The following ARFGEF3 variants were observed in gnomAD, a reference collection of about 807,000 sequenced individuals.
ARFGEF3 encodes the protein ARFGEF family member 3.
In ARFGEF3, 96 loss-of-function variants were observed where a neutral mutation model predicts 221.7. That is an observed-to-expected ratio of 0.43 (90% CI 0.37 to 0.51). The LOEUF (loss-of-function observed/expected upper bound fraction) is 0.51. ARFGEF3 is among the 20% of genes least tolerant of loss of function. ARFGEF3 has a pLI of 0.00. For synonymous variants in ARFGEF3, 1,145 were observed against 1,126.8 expected (o/e 1.02, Z -0.32); for missense variants, 2,410 against 2,789.9 (o/e 0.86, Z 3.07).
chr6:138,228,588 A>G (rs1306320949), intron 4 of ARFGEF3, among the ~76,000 whole-genome samples: 1 of 152,086 alleles, frequency 6.6e-6, no homozygotes, highest in Admixed American at 6.6e-5. Flanking sequence ...CCTTGTGACT[A>G]AATATGGCAA....
intron 2 of ARFGEF3, among the ~76,000 whole-genome samples, chr6:138,184,300 G>T (rs1777139142): frequency 6.6e-6 from 1 of 151,996 alleles, no homozygotes; most frequent in Non-Finnish European, 1.5e-5. Context: ...AAACAATGTA[G>T]TCCTTACTGG....
intron 8 of ARFGEF3, among the ~76,000 whole-genome samples, chr6:138,252,214 GA>G (rs1417381234): frequency 1.3e-5 from 2 of 152,070 alleles, no homozygotes; most frequent in Admixed American, 6.6e-5. Context: ...GCTTTCTTTG[GA>G]CAAGGGAGAT....
chr6:138,226,912 G>C (rs908388892), intron 4 of ARFGEF3, among the ~76,000 whole-genome samples: 2 of 152,200 alleles, frequency 1.3e-5, no homozygotes, highest in Admixed American at 1.3e-4. Flanking sequence ...GGAGGGCATG[G>C]ACACCATCAG....
At chr6:138,195,537 G>T (rs1777400594) in intron 2 of ARFGEF3, among the ~76,000 whole-genome samples, 1 of 152,006 alleles carries the variant, frequency 6.6e-6, no homozygotes, top group African/African-American at 2.4e-5. Context: ...TCATATTTTT[G>T]TATAACATTT....
At chr6:138,195,323 A>G (rs564077877) in intron 2 of ARFGEF3, among the ~76,000 whole-genome samples, 1 of 152,138 alleles carries the variant, frequency 6.6e-6, no homozygotes, top group East Asian at 1.9e-4. Context: ...CTAATTCTGA[A>G]GGTAACATGT....
intron 7 of ARFGEF3, among the ~76,000 whole-genome samples, chr6:138,244,856 A>G (rs1778456189): frequency 6.6e-6 from 1 of 152,224 alleles, no homozygotes; most frequent in Non-Finnish European, 1.5e-5. Context: ...GAATACACAC[A>G]TAGACCACTG....
intron 18 of ARFGEF3, among the ~76,000 whole-genome samples, chr6:138,290,687 G>T (rs1024564360): frequency 3.9e-5 from 6 of 152,186 alleles, no homozygotes; most frequent in African/African-American, 7.2e-5. Context: ...CAGGGCGGGG[G>T]CTGGCCACAC....
chr6:138,286,850 G>A lies in ARFGEF3; in HGVS notation c.2719G>A (p.Glu907Lys). The change falls in exon 16 of 34, where the codon GAG (glutamate) becomes AAG (lysine). Residue 907 changes from glutamate to lysine, a missense_variant. Around this residue, in one of 5 missense-constraint regions of ARFGEF3, gnomAD observed 594 missense variants for 734.3 expected, o/e 0.81. Coordinates refer to ENST00000251691, the MANE Select transcript of ARFGEF3 (RefSeq NM_020340.5). The part of the protein sequence containing the change: ...AEGIKEQNQK[E>K]RDAICMSLDG... ...AGGCATCAAAGAGCAGAACCAGAAG[G>A]AGCGGGACGCCATCTGCATGAGCCT... 2 of 1,613,968 alleles carry A rather than the reference G, an allele frequency of 1.2e-6. No individual in the cohort carries two copies. The highest frequency in any genetic ancestry group is 1.7e-6 in the Non-Finnish European group (2 of 1,179,912).
chr6:138,223,214 G>C (rs117757407), intron 4 of ARFGEF3, among the ~76,000 whole-genome samples: 1,996 of 152,300 alleles, frequency 0.013, 29 homozygotes, highest in Middle Eastern at 0.058. Context: ...GCTTGTCACT[G>C]AATTTTCTGT....
At chr6:138,249,227 A>G (rs1778538340) in intron 8 of ARFGEF3, among the ~76,000 whole-genome samples, 1 of 152,240 alleles carries the variant, frequency 6.6e-6, no homozygotes, top group Non-Finnish European at 1.5e-5. Flanking sequence ...ATGCACACAC[A>G]TACATATTAG....
chr6:138,311,459 G>A lies in ARFGEF3; in HGVS notation c.4149G>A (p.Pro1383=), dbSNP rs774177266. The change falls in exon 25 of 34, where the codon CCG becomes CCA. Residue 1383 remains proline, a synonymous_variant. Transcript: ENST00000251691. ...ACTGTGCCCCAGCACCCGGAGCCCC[G>A]TCCACAGACCTGTGCCTCCCGGCCC... The part of the protein sequence containing the change: ...IGDCAPAPGA[P]STDLCLPALD... 62 of 1,608,562 alleles carry A rather than the reference G, an allele frequency of 3.9e-5. 2 individuals carry two copies. In the South Asian group the frequency reaches 4.0e-4, roughly 10 times the overall value.
At chr6:138,287,008 G>C (rs527593250) in intron 16 of ARFGEF3, 66 bp from the exon 17 acceptor site, 1 of 1,561,304 alleles carries the variant, frequency 6.4e-7, no homozygotes, top group Non-Finnish European at 8.7e-7. Context: ...CTTTAGAAGG[G>C]GTTCTGCTAG....
At chr6:138,284,059 C>T (rs1373569874) in intron 14 of ARFGEF3, among the ~76,000 whole-genome samples, 3 of 152,312 alleles carry the variant, frequency 2.0e-5, no homozygotes, top group Middle Eastern at 3.4e-3. Flanking sequence ...AACCCCAGCA[C>T]TTTGGAAGGC....
At chr6:138,246,235 T>C (rs1259595085) in intron 8 of ARFGEF3, among the ~76,000 whole-genome samples, 1 of 151,854 alleles carries the variant, frequency 6.6e-6, no homozygotes, top group African/African-American at 2.4e-5. Flanking sequence ...ACTTTCAACA[T>C]GGGGCGAAAA....
intron 22 of ARFGEF3, among the ~76,000 whole-genome samples, chr6:138,303,134 G>C (rs1452378837): frequency 6.6e-6 from 1 of 152,172 alleles, no homozygotes; most frequent in African/African-American, 2.4e-5. Flanking sequence ...TAGAAGCAAA[G>C]TTGCTGTATT....
chr6:138,280,171 G>A lies in ARFGEF3; in HGVS notation c.2461+7G>A. The A allele has an allele frequency of 1.9e-6, 3 of 1,613,146 alleles. No homozygotes were observed. Among genetic ancestry groups the A allele is most frequent in the Middle Eastern group, 1.7e-4 (1 of 6,056 alleles). ...CTCATCACAATGCTGACCGGTCAGT[G>A]GTTCGTTGCAAGGCCTTGGGGCACG... On this transcript the variant is annotated splice_region_variant and intron_variant, in intron 14 of 33. Transcript: ENST00000251691.
intron 2 of ARFGEF3, among the ~76,000 whole-genome samples, chr6:138,176,834 G>A (rs1278906886): frequency 1.3e-5 from 2 of 151,972 alleles, no homozygotes; most frequent in East Asian, 3.9e-4. Flanking sequence ...GCTTGTCTGG[G>A]AAAGAATTTA....
chr6:138,185,492 C>T (rs902165953), intron 2 of ARFGEF3, among the ~76,000 whole-genome samples: 48 of 152,344 alleles, frequency 3.2e-4, no homozygotes, highest in African/African-American at 1.0e-3. Context: ...GTGCAGCTGC[C>T]ATAACCAATC....
chr6:138,209,194 GT>G (rs1777675914), intron 3 of ARFGEF3, among the ~76,000 whole-genome samples: 1 of 152,084 alleles, frequency 6.6e-6, no homozygotes, highest in Admixed American at 6.5e-5. Flanking sequence ...ACATTAGGAA[GT>G]AAAAAGATAA....
Sources: allele counts gnomAD v4.1 joint callset (sites outside exome capture counted in the v4.1 genomes callset), GRCh38; gene constraint gnomAD v4.1.1; regional missense constraint gnomAD v4.1.1; transcripts MANE v1.5; gene names NCBI Gene and HGNC (gene_info 2026-07-23, HGNC 2026-07-21).